NIPBL: variants seen among roughly 807,000 people sequenced by gnomAD.
NIPBL encodes the protein NIPBL cohesin loading factor, also known as nipped-B-like protein.
A neutral mutation model predicts 321.8 loss-of-function variants in NIPBL; 19 were observed. The ratio of observed to expected loss-of-function variants is 0.06; its 90% confidence interval spans 0.04 to 0.09. The LOEUF is 0.09. Among genes scored for constraint, NIPBL ranks in the 10% least tolerant of loss-of-function variants. The probability of loss-of-function intolerance (pLI) is 1.00; values close to 1 mark genes in which losing one functional copy is unlikely to be tolerated. For synonymous variants in NIPBL, 1,106 were observed against 1,114.1 expected (o/e 0.99, Z 0.14); for missense variants, 2,210 against 3,327.0 (o/e 0.66, Z 8.26).
At chr5:37,012,686 C>A (rs1748312554) in intron 21 of NIPBL, among the ~76,000 whole-genome samples, 1 of 152,064 alleles carries the variant, frequency 6.6e-6, no homozygotes, top group Admixed American at 6.5e-5. Context: ...AGCATGCTGC[C>A]TTCAAGCATC....
At chr5:36,970,527 ATTAC>A (rs1042624770) in intron 6 of NIPBL, among the ~76,000 whole-genome samples, 6 of 151,624 alleles carry the variant, frequency 4.0e-5, no homozygotes, top group African/African-American at 7.3e-5. Flanking sequence ...AACACAATGA[ATTAC>A]TTAGGAATAT....
At chr5:37,059,196 CTT>C in intron 44 of NIPBL, 31 bp downstream of exon 44, 4 of 1,609,834 alleles carry the variant, frequency 2.5e-6, no homozygotes, top group Non-Finnish European at 3.4e-6. Context: ...AGAGAAAAAA[CTT>C]CACTCTGTTC....
At chr5:37,008,228 C>T (rs1747675105) in intron 19 of NIPBL, 140 bp downstream of exon 19, 1 of 642,512 alleles carries the variant, frequency 1.6e-6, no homozygotes, top group Non-Finnish European at 2.8e-6. Flanking sequence ...TTTACTAAGT[C>T]TTATTAGACT....
rs76638760 is a variant in NIPBL at position 36,972,505 on chromosome 5, T to C, written c.868+464T>C. 1.9e-3 allele frequency among the ~76,000 whole-genome samples: 286 copies of C among 152,304 alleles called. 1 individual carries two copies. The highest frequency in any genetic ancestry group is 0.01 in the South Asian group (50 of 4,830). On this transcript the variant is annotated intron_variant, in intron 8 of 46. Coordinates refer to ENST00000282516, the MANE Select transcript of NIPBL (RefSeq NM_133433.4). ...CTATTATTAGACCTTTTATCACTCA[T>C]TGTACTTTTTTCCCTGGCCGTTTTA...
chr5:37,039,886 G>C (rs1014527316), intron 34 of NIPBL, among the ~76,000 whole-genome samples: 2 of 152,050 alleles, frequency 1.3e-5, no homozygotes, highest in Non-Finnish European at 2.9e-5. Flanking sequence ...GTTCGTATTA[G>C]ATCCAGAAAT....
At chr5:36,882,687 A>C (rs993292261) in intron 1 of NIPBL, among the ~76,000 whole-genome samples, 3 of 151,964 alleles carry the variant, frequency 2.0e-5, no homozygotes, top group African/African-American at 7.2e-5. Context: ...TCCAGCTAAA[A>C]TGTATCTAAT....
intron 2 of NIPBL, among the ~76,000 whole-genome samples, chr5:36,954,188 A>G (rs1740699005): frequency 6.6e-6 from 1 of 152,208 alleles, no homozygotes; most frequent in African/African-American, 2.4e-5. Flanking sequence ...AATAAATAAA[A>G]GGAAAAAGAT....
chr5:36,926,881 T>G (rs1196871002), intron 1 of NIPBL, among the ~76,000 whole-genome samples: 1 of 152,120 alleles, frequency 6.6e-6, no homozygotes, highest in Non-Finnish European at 1.5e-5. Context: ...AAAAAATTGG[T>G]AATAGGGCAA....
rs755271349 is a variant in NIPBL, at chr5:36,985,938, A to G, written c.2758A>G (p.Arg920Gly). Residue 920 changes from arginine to glycine, a missense_variant, in exon 10 of 47, where the codon AGG becomes GGG. Around this residue, in one of 14 missense-constraint regions of NIPBL, gnomAD observed 588 missense variants for 564.1 expected, o/e 1.04. Coordinates refer to ENST00000282516, the MANE Select transcript of NIPBL (RefSeq NM_133433.4). The stretch of plus-strand genomic sequence containing the variant: ...ATCACCAACTAGTAAAGATGACAAA[A>G]GGACAGAGGGTAACAAGAGTAAAGT... ...FKSPTSKDDKRTEGNKSKVDT... is the reference protein window; with the variant it reads ...FKSPTSKDDKGTEGNKSKVDT... 9.9e-6 allele frequency: 16 copies of G among 1,613,902 alleles called. No homozygotes were observed.
rs573856754 is a variant in NIPBL, at chr5:36,902,736, G to A, written c.-80+25558G>A. 1.1e-4 allele frequency among the ~76,000 whole-genome samples: 17 copies of A among 151,960 alleles called. No individual in the cohort carries two copies. In the East Asian group the frequency reaches 3.3e-3, roughly 29 times the overall value. ...TCTTTGGCTATTCGGGCTCTTTTTT[G>A]GTTCCATGTGAATTTTAGAAGTTTT... On this transcript the variant is annotated intron_variant, in intron 1 of 46. Coordinates refer to ENST00000282516, the MANE Select transcript of NIPBL (RefSeq NM_133433.4).
rs1561171970 is a variant in NIPBL at position 37,022,119 on chromosome 5, T to G, written c.5397T>G (p.Val1799=). 1 of 1,614,210 alleles carries G rather than the reference T, an allele frequency of 6.2e-7. No homozygotes were observed. The highest frequency in any genetic ancestry group is 1.6e-4 in the Middle Eastern group (1 of 6,062). The change falls in exon 28 of 47, where the codon GTT becomes GTG. Residue 1799 remains valine, a synonymous_variant. Coordinates refer to ENST00000282516, the MANE Select transcript of NIPBL (RefSeq NM_133433.4). Reference sequence around the variant, plus strand: ...AAGCCATGAAGTGTTTGTCTGAGGTTGTTGCTGTAGACCCCAGTATTCTAG... The same window carrying G: ...AAGCCATGAAGTGTTTGTCTGAGGTGGTTGCTGTAGACCCCAGTATTCTAG... ...RTKAMKCLSE[V]VAVDPSILAR... is the part of the protein sequence containing the mutation.
intron 6 of NIPBL, among the ~76,000 whole-genome samples, chr5:36,964,260 A>G (rs910163517): frequency 6.6e-6 from 1 of 152,180 alleles, no homozygotes; most frequent in African/African-American, 2.4e-5. Flanking sequence ...GAAAAAATTT[A>G]TATGGAACCA....
rs149451089 is a variant in NIPBL, at chr5:37,017,148, C to A, written c.4906C>A (p.Arg1636Ser). 6.2e-7 allele frequency: 1 copy of A among 1,610,520 alleles called. No individual in the cohort carries two copies. The highest frequency in any genetic ancestry group is 2.2e-5 in the East Asian group (1 of 44,730). The change falls in exon 24 of 47, where the codon CGC (arginine) becomes AGC (serine). Residue 1636 changes from arginine to serine, a missense_variant. Around this residue, in one of 14 missense-constraint regions of NIPBL, gnomAD observed 138 missense variants for 175.8 expected, o/e 0.79. Coordinates refer to ENST00000282516, the MANE Select transcript of NIPBL (RefSeq NM_133433.4). ...CAAAATGGATCAAGGATCTATAGAA[C>A]GCATTTTAAAACAGGTACTAAGATA... ...TSKMDQGSIE[R>S]ILKQVSGGED...
rs533543856 is a variant in NIPBL, at chr5:37,018,808, A to T, written c.4921-503A>T. ...TCAACTACCTATGAGCTCTTTTTTT[A>T]AAAAATGACATATGGTTCATAAAAA... On this transcript the variant is annotated intron_variant, in intron 24 of 46. Transcript: ENST00000282516. 2.6e-5 allele frequency among the ~76,000 whole-genome samples: 4 copies of T among 152,198 alleles called. No homozygotes were observed. The East Asian group carries it at 5.8e-4, about 22-fold the overall frequency.
chr5:36,904,198 C>T (rs1322956366), intron 1 of NIPBL, among the ~76,000 whole-genome samples: 2 of 152,188 alleles, frequency 1.3e-5, no homozygotes, highest in African/African-American at 2.4e-5. Context: ...GGGCCGGGTG[C>T]GGTGGCTCGC....
intron 1 of NIPBL, chr5:36,885,972 A>C (rs1745873155): frequency 4.1e-6 from 3 of 729,900 alleles, no homozygotes; most frequent in Admixed American, 3.5e-5. Context: ...GCCCAATACG[A>C]CGAGCTAGCT....
At chr5:36,992,249 A>G (rs1745609732) in intron 10 of NIPBL, among the ~76,000 whole-genome samples, 1 of 152,202 alleles carries the variant, frequency 6.6e-6, no homozygotes, top group Non-Finnish European at 1.5e-5. Context: ...TAGTTAGGAC[A>G]AAAGAAATTA....
intron 1 of NIPBL, chr5:36,886,511 G>A (rs1425870898): frequency 1.6e-5 from 12 of 743,148 alleles, no homozygotes; most frequent in Non-Finnish European, 2.7e-5. Flanking sequence ...AGCAGAAGCA[G>A]GGTACCCTTT....
At chr5:37,006,658 A>G in intron 17 of NIPBL, 70 bp downstream of exon 17, 1 of 910,418 alleles carries the variant, frequency 1.1e-6, no homozygotes, top group African/African-American at 1.7e-5. Flanking sequence ...AGGACTTAAA[A>G]TGGCACCAAA....
Sources: allele counts gnomAD v4.1 joint callset (sites outside exome capture counted in the v4.1 genomes callset), GRCh38; gene constraint gnomAD v4.1.1; regional missense constraint gnomAD v4.1.1; transcripts MANE v1.5; gene names NCBI Gene and HGNC (gene_info 2026-07-23, HGNC 2026-07-21).